PSD4: variants seen among roughly 807,000 people sequenced by gnomAD.
The protein encoded by PSD4 is PH and SEC7 domain-containing protein 4.
In PSD4, 59 loss-of-function variants were observed where a neutral mutation model predicts 112.5. That is an observed-to-expected ratio of 0.52 (90% CI 0.43 to 0.65). PSD4 has a LOEUF of 0.65. PSD4 is among the 30% of genes least tolerant of loss of function. The probability of loss-of-function intolerance (pLI) is 0.00; values close to 1 mark genes in which losing one functional copy is unlikely to be tolerated. For missense variants in PSD4, 1,267 were observed against 1,352.6 expected, an observed-to-expected ratio of 0.94 and a Z score of 0.99; for synonymous variants, 533 against 540.0, an observed-to-expected ratio of 0.99 and a Z score of 0.18.
At chr2:113,182,022 C>G (rs551217653) in intron 1 of PSD4, among the ~76,000 whole-genome samples, 12 of 132,836 alleles carry the variant, frequency 9.0e-5, no homozygotes, top group African/African-American at 3.4e-4. Context: ...CCAACCACCT[C>G]GGTCTCCACA....
Position 113,189,351 on chromosome 2 carries a change from G to GTATATATATA in PSD4, c.1629-3022_1629-3013dup, listed in dbSNP as rs35251391. On this transcript the variant is annotated intron_variant, in intron 5 of 16. Transcript: ENST00000245796. ...ATTATATATAATTGAATATATAATA[G>GTATATATATA]TATATATATATATATACACACACAC... Among the ~76,000 whole-genome samples the GTATATATATA allele has an allele frequency of 7.5e-4, 110 of 146,130 alleles. 1 individual carries two copies. The highest frequency in any genetic ancestry group is 2.7e-3 in the African/African-American group (107 of 39,470).
In PSD4 at chr2:113,185,968, C is replaced by A. The variant is rs369255274; in HGVS notation, c.1341C>A (p.Ser447Arg). The A allele has an allele frequency of 4.0e-5, 64 of 1,614,036 alleles. No homozygotes were observed. The highest frequency in any genetic ancestry group is 5.3e-5 in the Non-Finnish European group (62 of 1,179,964). ...GCCCAGCTTCTTCTCCAGAGCCTAGCAGCCCAGAATCTGAGAGCAGAGGCC... is the reference window on the plus strand; with the variant it reads ...GCCCAGCTTCTTCTCCAGAGCCTAGAAGCCCAGAATCTGAGAGCAGAGGCC... ...WRSPASSPEP[S>R]SPESESRGPG... Residue 447 changes from serine (S) to arginine (R), a missense_variant, in exon 5 of 17, where the codon AGC becomes AGA. This residue lies in a region of PSD4 where 723 missense variants were observed against 704.0 expected (regional missense o/e 1.03). Transcript: ENST00000245796.
intron 16 of PSD4, among the ~76,000 whole-genome samples, chr2:113,200,596 C>T (rs1214780838): frequency 4.6e-5 from 7 of 152,300 alleles, no homozygotes; most frequent in South Asian, 4.1e-4. Context: ...CCCTCCCTTC[C>T]GCAATGATTT....
At chr2:113,178,512 C>T (rs1315262163) in intron 1 of PSD4, among the ~76,000 whole-genome samples, 1 of 151,584 alleles carries the variant, frequency 6.6e-6, no homozygotes, top group African/African-American at 2.4e-5. Flanking sequence ...CTAGTATCAG[C>T]ATTAGCGTGT....
At position 113,208,922 on chromosome 2, in the gene PSD4, G is replaced by A. The variant is rs890369817; in HGVS notation, c.*7507G>A. ...TCGTTTCTTTGCTCAAGGGAGTGTG[G>A]ATTTCAGTGCTCTCACTGAGCAGAG... On this transcript the variant is annotated 3_prime_UTR_variant, in exon 17 of 17. Coordinates refer to ENST00000245796, the MANE Select transcript of PSD4 (RefSeq NM_012455.3). 1 of 152,226 alleles carries A rather than the reference G, an allele frequency of 6.6e-6. No homozygotes were observed. Among genetic ancestry groups the A allele is most frequent in the African/African-American group, 2.4e-5 (1 of 41,436 alleles). 9.4% of individuals were successfully genotyped at this position (152,226 alleles called of 1,614,324 possible).
Position 113,193,848 on chromosome 2 carries a change from C to G in PSD4, c.2092-11C>G. 1 of 1,613,324 alleles carries G rather than the reference C, an allele frequency of 6.2e-7. No individual in the cohort carries two copies. Among genetic ancestry groups the G allele is most frequent in the Non-Finnish European group, 8.5e-7 (1 of 1,179,330 alleles). The stretch of plus-strand genomic sequence containing the variant: ...GTGTGCTCGAGTCATCCCACTTCTC[C>G]GTGGCTACAGAACATTGGGAAGAGC... On this transcript the variant is annotated splice_polypyrimidine_tract_variant and intron_variant, in intron 9 of 16. Transcript: ENST00000245796.
In PSD4 at chr2:113,196,260, A is replaced by G. The variant is rs770430494; in HGVS notation, c.2339A>G (p.Gln780Arg). 6 of 1,613,940 alleles carry G rather than the reference A, an allele frequency of 3.7e-6. No individual in the cohort carries two copies. The South Asian group carries it at 6.6e-5, about 18-fold the overall frequency. Residue 780 changes from glutamine (Q) to arginine (R), a missense_variant, in exon 12 of 17, where the codon CAG (glutamine) becomes CGG (arginine). Around this residue, in one of 2 missense-constraint regions of PSD4, gnomAD observed 544 missense variants for 648.6 expected, o/e 0.84. Coordinates refer to ENST00000245796, the MANE Select transcript of PSD4 (RefSeq NM_012455.3). The stretch of plus-strand genomic sequence containing the variant: ...GATCCCACAGTGCCCACCTACAAGC[A>G]GGGCATCCTGGCTCGGAAAATGCAT... ...AQDPTVPTYK[Q>R]GILARKMHQD... is the part of the protein sequence containing the mutation.
rs1334886984 is a variant in PSD4, at chr2:113,185,366, C to T, written c.1175C>T (p.Ala392Val). The change falls in exon 4 of 17, where the codon GCC (alanine) becomes GTC (valine). Residue 392 changes from alanine (A) to valine (V), a missense_variant and splice_region_variant. Physicochemically the swap from Ala to Val is moderately conservative, Grantham distance 64. Around this residue, in one of 2 missense-constraint regions of PSD4, gnomAD observed 723 missense variants for 704.0 expected, o/e 1.03. Coordinates refer to ENST00000245796, the MANE Select transcript of PSD4 (RefSeq NM_012455.3). ...GAATGCCTTTGCCTCTCTCAACAGG[C>T]CTCTCTCAGCCCTGAGGGCTGGCAG... The part of the protein sequence containing the change: ...GPAAHPVQPW[A>V]SLSPEGWQRG... The T allele has an allele frequency of 6.2e-7, 1 of 1,614,064 alleles. No individual in the cohort carries two copies. Among genetic ancestry groups the T allele is most frequent in the Non-Finnish European group, 8.5e-7 (1 of 1,180,040 alleles).
chr2:113,199,081 A>T lies in PSD4; in HGVS notation c.2770-2A>T. ...GCGCCCCTCACCGCCCGCTGCTCGC[A>T]GGAGGAGCAGCATCGATCCCACGAG... On this transcript the variant is annotated splice_acceptor_variant, in intron 15 of 16. Coordinates refer to ENST00000245796, the MANE Select transcript of PSD4 (RefSeq NM_012455.3). LOFTEE classifies it high-confidence loss of function. 1 of 1,527,482 alleles carries T rather than the reference A, an allele frequency of 6.5e-7. No homozygotes were observed. The highest frequency in any genetic ancestry group is 8.8e-7 in the Non-Finnish European group (1 of 1,139,288). The allele number at this position is 1,527,482 out of a possible 1,614,324, so 94.6% of individuals were successfully genotyped here.
Position 113,183,087 on chromosome 2 carries a change from T to G in PSD4, c.631T>G (p.Ser211Ala), listed in dbSNP as rs143309860. The G allele has an allele frequency of 1.7e-4, 281 of 1,613,064 alleles. No individual in the cohort carries two copies. Among genetic ancestry groups the G allele is most frequent in the Non-Finnish European group, 2.3e-4 (267 of 1,179,468 alleles). Residue 211 changes from serine to alanine, a missense_variant, in exon 2 of 17, where the codon TCA becomes GCA. By Grantham distance (99) the Ser-to-Ala change is moderately conservative. Transcript: ENST00000245796. ...LHSSPPENED[S>A]GEDSSEPEGE... ...CTCCAGCCCACCTGAGAATGAAGAC[T>G]CAGGGGAAGACAGCAGTGAGCCTGA... is the stretch of plus-strand genomic sequence containing the variant.
chr2:113,199,265 C>G (rs972259225), intron 16 of PSD4, 39 bp downstream of exon 16: 1 of 1,405,614 alleles, frequency 7.1e-7, no homozygotes, highest in Non-Finnish European at 9.2e-7. Flanking sequence ...CTGCGCAGCG[C>G]CCTCTCCGCC....
At position 113,202,447 on chromosome 2, in the gene PSD4, T is replaced by G. The variant is rs952898054; in HGVS notation, c.*1032T>G. 1.3e-5 allele frequency: 2 copies of G among 152,494 alleles called. No individual in the cohort carries two copies. The highest frequency in any genetic ancestry group is 6.5e-5 in the Admixed American group (1 of 15,298). The allele number at this position is 152,494 out of a possible 1,614,324, so 9.4% of individuals were successfully genotyped here. On this transcript the variant is annotated 3_prime_UTR_variant, in exon 17 of 17. Coordinates refer to ENST00000245796, the MANE Select transcript of PSD4 (RefSeq NM_012455.3). ...TCTGTGCTCCTTTCTACACATGCCT[T>G]AAACCTTCCTTCCTGTGGGGTGCCT...
chr2:113,208,729 T>C lies in PSD4; in HGVS notation c.*7314T>C. The C allele has an allele frequency of 6.6e-6, 1 of 152,376 alleles. No individual in the cohort carries two copies. The highest frequency in any genetic ancestry group is 1.5e-5 in the Non-Finnish European group (1 of 68,048). 9.4% of individuals were successfully genotyped at this position (152,376 alleles called of 1,614,324 possible). On this transcript the variant is annotated 3_prime_UTR_variant, in exon 17 of 17. Transcript: ENST00000245796. ...CCCACCACTCCTGGCCTCCTCCCTC[T>C]ACATGTCCACATTCGCTGCTCTGAC...
chr2:113,202,518 TC>T lies in PSD4; in HGVS notation c.*1107del, dbSNP rs1688801658. ...GCAGCTCAGAGGGTCTCTGCTGCTC[TC>T]CCCTGGGAAATCCCCTCATCCTGCC... is the stretch of plus-strand genomic sequence containing the variant. On this transcript the variant is annotated 3_prime_UTR_variant, in exon 17 of 17. Transcript: ENST00000245796. 6.6e-6 allele frequency: 1 copy of T among 152,610 alleles called. No homozygotes were observed. Among genetic ancestry groups the T allele is most frequent in the Non-Finnish European group, 1.5e-5 (1 of 68,296 alleles). The allele number at this position is 152,610 out of a possible 1,614,324, so 9.5% of individuals were successfully genotyped here. A position where few individuals can be genotyped will look rare whatever the true frequency, so the allele number is the denominator to read the frequency against.
chr2:113,179,957 G>A (rs751983673), intron 1 of PSD4, among the ~76,000 whole-genome samples: 1 of 152,144 alleles, frequency 6.6e-6, no homozygotes, highest in South Asian at 2.1e-4. Context: ...GGAATGCAAG[G>A]GTTGGGTCAG....
At chr2:113,180,957 C>G (rs1053735742) in intron 1 of PSD4, among the ~76,000 whole-genome samples, 17 of 152,052 alleles carry the variant, frequency 1.1e-4, no homozygotes, top group African/African-American at 3.9e-4. Context: ...GCGGCTCACA[C>G]CTATAATCCC....
At position 113,208,561 on chromosome 2, in the gene PSD4, G is replaced by A. The variant is rs979534663; in HGVS notation, c.*7146G>A. 1 of 152,214 alleles carries A rather than the reference G, an allele frequency of 6.6e-6. No individual in the cohort carries two copies. Among genetic ancestry groups the A allele is most frequent in the Non-Finnish European group, 1.5e-5 (1 of 68,044 alleles). 9.4% of individuals were successfully genotyped at this position (152,214 alleles called of 1,614,324 possible). A position where few individuals can be genotyped will look rare whatever the true frequency, so the allele number is the denominator to read the frequency against. ...TACATACAGAGATGTGACCCGGATG[G>A]ATGGACCTTTGCCTCACAATCAGGG... On this transcript the variant is annotated 3_prime_UTR_variant, in exon 17 of 17. Transcript: ENST00000245796.
intron 16 of PSD4, among the ~76,000 whole-genome samples, chr2:113,200,677 C>T (rs1168387788): frequency 6.6e-6 from 1 of 152,206 alleles, no homozygotes; most frequent in East Asian, 1.9e-4. Context: ...AACTGGAAAC[C>T]ATATCCCAAG....
In PSD4 at chr2:113,206,267, C is replaced by T. The variant is rs1688862186; in HGVS notation, c.*4852C>T. The T allele has an allele frequency of 6.6e-6, 1 of 152,292 alleles. No individual in the cohort carries two copies. Among genetic ancestry groups the T allele is most frequent in the Non-Finnish European group, 1.5e-5 (1 of 68,058 alleles). The allele number at this position is 152,292 out of a possible 1,614,324, so 9.4% of individuals were successfully genotyped here. A position where few individuals can be genotyped will look rare whatever the true frequency, so the allele number is the denominator to read the frequency against. ...TCACGGTATGTGTGGGCTTTGCCAACTGTTCCCAGCCCTTACCAGGTTCCC... is the reference window on the plus strand; with the variant it reads ...TCACGGTATGTGTGGGCTTTGCCAATTGTTCCCAGCCCTTACCAGGTTCCC... On this transcript the variant is annotated 3_prime_UTR_variant, in exon 17 of 17. Transcript: ENST00000245796.
Sources: gnomAD v4.1 joint callset for allele counts (sites outside exome capture counted in the v4.1 genomes callset) on GRCh38, gnomAD v4.1.1 for gene constraint, gnomAD v4.1.1 regional missense constraint, MANE v1.5 for transcripts, NCBI Gene and HGNC (gene_info 2026-07-23, HGNC 2026-07-21) for gene names.